PRLR: variants seen among roughly 807,000 people sequenced by gnomAD.
PRLR encodes hPRL receptor.
A neutral mutation model predicts 40.2 loss-of-function variants in PRLR; 13 were observed. The ratio of observed to expected loss-of-function variants is 0.32; its 90% CI spans 0.21 to 0.51. The LOEUF (loss-of-function observed/expected upper bound fraction) is 0.51. Among genes scored for constraint, PRLR ranks in the 20% least tolerant of loss-of-function variants. PRLR has a pLI of 0.97. For missense variants in PRLR, 656 were observed against 747.3 expected (o/e 0.88, Z 1.42); for synonymous variants, 269 against 278.7 (o/e 0.97, Z 0.35).
chr5:35,071,540 G>A (rs1164377512), intron 6 of PRLR, among the ~76,000 whole-genome samples: 1 of 152,198 alleles, frequency 6.6e-6, no homozygotes, highest in African/African-American at 2.4e-5. Context: ...ATGGAATATT[G>A]TACCACCTGC....
intron 5 of PRLR, among the ~76,000 whole-genome samples, chr5:35,076,311 A>G (rs1313012393): frequency 6.6e-6 from 1 of 152,168 alleles, no homozygotes; most frequent in African/African-American, 2.4e-5. Flanking sequence ...AGATTAGACA[A>G]ATGGCTAACT....
At chr5:35,184,124 TG>T (rs1775363437) in intron 1 of PRLR, among the ~76,000 whole-genome samples, 1 of 152,210 alleles carries the variant, frequency 6.6e-6, no homozygotes, top group Non-Finnish European at 1.5e-5. Context: ...TTGGAATAAC[TG>T]GAATTCCTGA....
At chr5:35,090,220 C>A (rs7728157) in intron 2 of PRLR, among the ~76,000 whole-genome samples, 37 of 152,292 alleles carry the variant, frequency 2.4e-4, no homozygotes, top group African/African-American at 8.9e-4. Flanking sequence ...CCACACAATG[C>A]ACTCTAGTGA....
At chr5:35,210,733 C>G (rs1316252894) in intron 1 of PRLR, among the ~76,000 whole-genome samples, 1 of 151,822 alleles carries the variant, frequency 6.6e-6, no homozygotes, top group Non-Finnish European at 1.5e-5. Context: ...TTTTTTGAGA[C>G]AGGTCTAACT....
At chr5:35,209,966 T>A (rs1462069200) in intron 1 of PRLR, among the ~76,000 whole-genome samples, 4 of 152,206 alleles carry the variant, frequency 2.6e-5, no homozygotes, top group Non-Finnish European at 5.9e-5. Context: ...CCACTTCAAA[T>A]GCCGAAAAGG....
At chr5:35,100,183 C>CA (rs35912961) in intron 2 of PRLR, among the ~76,000 whole-genome samples, 2,543 of 64,442 alleles carry the variant, frequency 0.039, 71 homozygotes, top group African/African-American at 0.076. Flanking sequence ...GACTCTGTCT[C>CA]AAAAAAAAAA....
At position 35,065,546 on chromosome 5, in the gene PRLR, C is replaced by A. The variant is rs1426832846; in HGVS notation, c.1412G>T (p.Gly471Val). The change falls in exon 10 of 10, where the codon GGA (glycine) becomes GTA (valine). Residue 471 changes from glycine to valine, a missense_variant. Gly to Val is a moderately radical substitution (Grantham distance 109). Around this residue, in one of 3 missense-constraint regions of PRLR, gnomAD observed 469 missense variants for 491.5 expected, o/e 0.95. Transcript: ENST00000618457. ...SSQTIKSREE[G>V]KATQQREVES... ...TACCTCCCTCTGCTGGGTTGCCTTTCCCTCTTCTCTAGACTTAATGGTTTG... is the reference window on the plus strand; with the variant it reads ...TACCTCCCTCTGCTGGGTTGCCTTTACCTCTTCTCTAGACTTAATGGTTTG... The A allele has an allele frequency of 1.9e-6, 3 of 1,614,132 alleles. No individual in the cohort carries two copies. The Admixed American group carries it at 5.0e-5, about 27-fold the overall frequency.
rs1477754176 is a variant in PRLR at position 35,059,231 on chromosome 5, A to G, written c.*5858T>C. The stretch of plus-strand genomic sequence containing the variant: ...ATCAGCAGCAAGCAGAATGTTAATT[A>G]ATAGTCTAAGATGATCTGAGAGTTA... On this transcript the variant is annotated 3_prime_UTR_variant, in exon 10 of 10. Coordinates refer to ENST00000618457, the MANE Select transcript of PRLR (RefSeq NM_000949.7). 2.0e-5 allele frequency: 3 copies of G among 152,180 alleles called. No homozygotes were observed. The highest frequency in any genetic ancestry group is 6.5e-5 in the Admixed American group (1 of 15,274). The allele number at this position is 152,180 out of a possible 1,614,324, so 9.4% of individuals were successfully genotyped here. A position where few individuals can be genotyped will look rare whatever the true frequency, so the allele number is the denominator to read the frequency against.
chr5:35,048,939 C>T (rs1346050008), exon 9 of PRLR: 2 of 359,704 alleles, frequency 5.6e-6, no homozygotes, highest in Non-Finnish European at 1.1e-5. Context: ...AATCTTGGGT[C>T]ACCCTGTAAG....
intron 1 of PRLR, among the ~76,000 whole-genome samples, chr5:35,155,295 C>A (rs1774456999): frequency 6.6e-6 from 1 of 152,088 alleles, no homozygotes; most frequent in South Asian, 2.1e-4. Flanking sequence ...TTGTCTGATT[C>A]ATGTTGTAAT....
At chr5:35,105,101 G>T (rs1772149730) in intron 2 of PRLR, among the ~76,000 whole-genome samples, 1 of 152,218 alleles carries the variant, frequency 6.6e-6, no homozygotes, top group South Asian at 2.1e-4. Flanking sequence ...TGATACTCAG[G>T]CAAACAGGTT....
At chr5:35,162,142 C>G (rs758037883) in intron 1 of PRLR, among the ~76,000 whole-genome samples, 3 of 152,190 alleles carry the variant, frequency 2.0e-5, no homozygotes, top group Non-Finnish European at 4.4e-5. Context: ...CAAGACCTGC[C>G]AACCCTTATC....
intron 1 of PRLR, among the ~76,000 whole-genome samples, chr5:35,185,424 G>A (rs1401347526): frequency 6.6e-6 from 1 of 150,928 alleles, no homozygotes; most frequent in Non-Finnish European, 1.5e-5. Context: ...GGAAAGGTAA[G>A]TTTCCTAAAA....
chr5:35,061,283 A>G lies in PRLR; in HGVS notation c.*3806T>C, dbSNP rs903017030. 7 of 152,194 alleles carry G rather than the reference A, an allele frequency of 4.6e-5. No homozygotes were observed. The highest frequency in any genetic ancestry group is 8.8e-5 in the Non-Finnish European group (6 of 68,028). 9.4% of individuals were successfully genotyped at this position (152,194 alleles called of 1,614,324 possible). A position where few individuals can be genotyped will look rare whatever the true frequency, so the allele number is the denominator to read the frequency against. ...ACTCTAAGGAGATAGGGAAGTTGCT[A>G]AAGGCAGGGCCAAGTCTTTCTGCAA... On this transcript the variant is annotated 3_prime_UTR_variant, in exon 10 of 10. Transcript: ENST00000618457.
intron 1 of PRLR, among the ~76,000 whole-genome samples, chr5:35,167,624 A>C (rs1774879918): frequency 6.6e-6 from 1 of 152,076 alleles, no homozygotes; most frequent in African/African-American, 2.4e-5. Context: ...AACAACAATA[A>C]AAATGTCTTA....
intron 1 of PRLR, among the ~76,000 whole-genome samples, chr5:35,124,813 TG>T (rs1298808228): frequency 1.3e-5 from 2 of 152,192 alleles, no homozygotes; most frequent in Non-Finnish European, 2.9e-5. Flanking sequence ...GGGTTACCTT[TG>T]AATTTGTCCA....
At chr5:35,162,606 G>A (rs1579750107) in intron 1 of PRLR, among the ~76,000 whole-genome samples, 2 of 152,210 alleles carry the variant, frequency 1.3e-5, no homozygotes, top group East Asian at 3.9e-4. Context: ...CAGAATGCAA[G>A]CCTTCTCCAA....
At chr5:35,191,731 T>C (rs1219216896) in intron 1 of PRLR, among the ~76,000 whole-genome samples, 1 of 152,222 alleles carries the variant, frequency 6.6e-6, no homozygotes, top group African/African-American at 2.4e-5. Flanking sequence ...AAACAGATTC[T>C]TGTGAGACAC....
chr5:35,157,461 C>T (rs748217235), intron 1 of PRLR, among the ~76,000 whole-genome samples: 1 of 152,110 alleles, frequency 6.6e-6, no homozygotes, highest in Admixed American at 6.5e-5. Flanking sequence ...GAGGACTTGC[C>T]CTCCTCCCTT....
Sources: allele counts gnomAD v4.1 joint callset (sites outside exome capture counted in the v4.1 genomes callset), GRCh38; gene constraint gnomAD v4.1.1; regional missense constraint gnomAD v4.1.1; transcripts MANE v1.5; gene names NCBI Gene and HGNC (gene_info 2026-07-23, HGNC 2026-07-21).